The following EPHA6 variants were observed in gnomAD, a reference collection of about 807,000 sequenced individuals.
EPHA6 encodes ephrin type-A receptor 6.
Under a neutral mutation model 112.0 loss-of-function variants are expected in EPHA6, and 50 were observed. That is an observed-to-expected ratio of 0.45 (90% CI 0.36 to 0.56). The LOEUF is 0.56. Among genes scored for constraint, EPHA6 ranks in the 20% least tolerant of loss-of-function variants. The pLI is 0.00. For missense variants in EPHA6, 1,280 were observed against 1,417.4 expected (o/e 0.90, Z 1.56); for synonymous variants, 529 against 490.7 (o/e 1.08, Z -1.03).
chr3:97,644,201 C>G (rs1211668633), intron 14 of EPHA6, among the ~76,000 whole-genome samples: 1 of 151,892 alleles, frequency 6.6e-6, no homozygotes, highest in Non-Finnish European at 1.5e-5. Context: ...GGATACATAA[C>G]GAAATTAAGG....
chr3:97,154,952 A>T (rs1307214823), intron 3 of EPHA6, among the ~76,000 whole-genome samples: 2 of 152,174 alleles, frequency 1.3e-5, no homozygotes, highest in Non-Finnish European at 2.9e-5. Flanking sequence ...ATGTAAAGAA[A>T]CCAACCTAGC....
chr3:96,982,453 C>T (rs2107824727), intron 2 of EPHA6, among the ~76,000 whole-genome samples: 1 of 152,258 alleles, frequency 6.6e-6, no homozygotes, highest in East Asian at 1.9e-4. Flanking sequence ...TTTACATTTG[C>T]TGAGGAGTGC....
At chr3:97,264,776 C>A (rs935296983) in intron 5 of EPHA6, among the ~76,000 whole-genome samples, 9 of 152,190 alleles carry the variant, frequency 5.9e-5, no homozygotes, top group African/African-American at 2.2e-4. Flanking sequence ...AGGAGACCCA[C>A]AGTGGGAAGC....
At chr3:97,430,594 T>A (rs2089446300) in intron 6 of EPHA6, among the ~76,000 whole-genome samples, 1 of 152,156 alleles carries the variant, frequency 6.6e-6, no homozygotes, top group Non-Finnish European at 1.5e-5. Context: ...GACTAGAATG[T>A]ATTTAGCTTC....
chr3:97,422,764 C>T (rs1207309614), intron 6 of EPHA6, among the ~76,000 whole-genome samples: 3 of 152,102 alleles, frequency 2.0e-5, no homozygotes, highest in Non-Finnish European at 4.4e-5. Context: ...AATTCCACAA[C>T]AAAACATTAG....
intron 2 of EPHA6, among the ~76,000 whole-genome samples, chr3:96,923,137 T>G (rs1292467058): frequency 3.9e-5 from 6 of 152,208 alleles, no homozygotes; most frequent in Non-Finnish European, 8.8e-5. Context: ...TTGACTTATA[T>G]TCCTTTGGGT....
At chr3:96,980,958 G>A (rs1211215424) in intron 2 of EPHA6, among the ~76,000 whole-genome samples, 8 of 152,236 alleles carry the variant, frequency 5.3e-5, no homozygotes, top group East Asian at 1.9e-4. Context: ...GGGCTGAGAC[G>A]ATGGGGTTTT....
At chr3:97,591,148 A>G (rs1438428401) in intron 11 of EPHA6, among the ~76,000 whole-genome samples, 1 of 152,144 alleles carries the variant, frequency 6.6e-6, no homozygotes, top group Admixed American at 6.5e-5. Context: ...TATTCACTGT[A>G]TTTAATTTTT....
At chr3:97,317,338 C>T (rs1220627926) in intron 5 of EPHA6, among the ~76,000 whole-genome samples, 1 of 151,996 alleles carries the variant, frequency 6.6e-6, no homozygotes, top group Non-Finnish European at 1.5e-5. Context: ...AGAGATACTA[C>T]ATAACTATAA....
At position 96,970,964 on chromosome 3, in the gene EPHA6, A is replaced by G. The variant is rs538982963; in HGVS notation, c.451-16366A>G. Among the ~76,000 whole-genome samples, 4 of 152,228 alleles carry G rather than the reference A, an allele frequency of 2.6e-5. No homozygotes were observed. In the South Asian group the frequency reaches 6.2e-4, roughly 24 times the overall value. ...TGTGCTTGCTATATTTGGAGGTCCTATGTAACTAGCATAGTATTCATATAT... is the reference window on the plus strand; with the variant it reads ...TGTGCTTGCTATATTTGGAGGTCCTGTGTAACTAGCATAGTATTCATATAT... On this transcript the variant is annotated intron_variant, in intron 2 of 17. Transcript: ENST00000389672.
At chr3:97,596,742 T>G (rs1455525016) in intron 12 of EPHA6, among the ~76,000 whole-genome samples, 1 of 143,742 alleles carries the variant, frequency 7.0e-6, no homozygotes, top group African/African-American at 2.6e-5. Context: ...TTGTGAGACT[T>G]GATAATATTT....
intron 2 of EPHA6, among the ~76,000 whole-genome samples, chr3:96,962,662 A>G (rs1014050932): frequency 4.0e-5 from 6 of 151,514 alleles, no homozygotes; most frequent in Non-Finnish European, 8.8e-5. Context: ...AGCTAAAACA[A>G]ATTAGCCTTA....
chr3:97,625,295 T>G (rs985748509), intron 13 of EPHA6, among the ~76,000 whole-genome samples: 3 of 151,752 alleles, frequency 2.0e-5, no homozygotes, highest in African/African-American at 7.2e-5. Flanking sequence ...GATTTCTTCT[T>G]TGATCCATTG....
At chr3:97,286,300 A>G (rs1417370724) in intron 5 of EPHA6, among the ~76,000 whole-genome samples, 1 of 152,180 alleles carries the variant, frequency 6.6e-6, no homozygotes, top group African/African-American at 2.4e-5. Context: ...CTTAACCATA[A>G]AATCTTTGGC....
At chr3:97,214,038 T>TGTGTGTGTGTGAGAGAGAGA (rs1491420279) in intron 3 of EPHA6, among the ~76,000 whole-genome samples, 8 of 77,784 alleles carry the variant, frequency 1.0e-4, no homozygotes, top group African/African-American at 2.8e-4. Context: ...TGTGTGTGTG[T>TGTGTGTGTGTGAGAGAGAGA]GAGAGAGAGA....
At chr3:97,736,844 A>G (rs1361123568) in intron 16 of EPHA6, among the ~76,000 whole-genome samples, 1 of 152,106 alleles carries the variant, frequency 6.6e-6, no homozygotes, top group Non-Finnish European at 1.5e-5. Flanking sequence ...ATTAAGTTAA[A>G]AACATATTTC....
At position 97,433,799 on chromosome 3, in the gene EPHA6, T is replaced by C. The variant is rs144662933; in HGVS notation, c.1732-14769T>C. 1.9e-3 allele frequency among the ~76,000 whole-genome samples: 295 copies of C among 152,196 alleles called. 2 individuals are homozygous for C. The highest frequency in any genetic ancestry group is 6.8e-3 in the African/African-American group (281 of 41,522). On this transcript the variant is annotated intron_variant, in intron 6 of 17. Transcript: ENST00000389672. ...TCCAGAAGAAGAGCACCAGATCCCC[T>C]GCAGTACCAAACATATCCGTTCCAC...
Position 97,435,878 on chromosome 3 carries a change from T to C in EPHA6, c.1732-12690T>C, listed in dbSNP as rs76334803. Among the ~76,000 whole-genome samples, 1,308 of 152,320 alleles carry C rather than the reference T, an allele frequency of 8.6e-3. 17 individuals carry two copies. Among genetic ancestry groups the C allele is most frequent in the African/African-American group, 0.03 (1,228 of 41,580 alleles). ...ATGACCTTGCTTTGCCTTGAATTAC[T>C]CTACTCGCATTTAAAACTATCTGCA... is the stretch of plus-strand genomic sequence containing the variant. On this transcript the variant is annotated intron_variant, in intron 6 of 17. Transcript: ENST00000389672.
intron 14 of EPHA6, among the ~76,000 whole-genome samples, chr3:97,708,725 G>A (rs2033809515): frequency 6.6e-6 from 1 of 152,236 alleles, no homozygotes; most frequent in Non-Finnish European, 1.5e-5. Context: ...TTCATTGGCT[G>A]GGCCCAGGGC....
Sources: gnomAD v4.1 joint callset for allele counts (sites outside exome capture counted in the v4.1 genomes callset) on GRCh38, gnomAD v4.1.1 for gene constraint, MANE v1.5 for transcripts, NCBI Gene and HGNC (gene_info 2026-07-23, HGNC 2026-07-21) for gene names.